The following RASGRF2 variants were observed in gnomAD, a reference collection of about 807,000 sequenced individuals.
RASGRF2 encodes Ras protein specific guanine nucleotide releasing factor 2, also known as ras-specific guanine nucleotide-releasing factor 2.
In RASGRF2, 76 loss-of-function variants were observed where a neutral mutation model predicts 151.0. That is an observed-to-expected ratio of 0.50 (90% CI 0.42 to 0.61). The LOEUF (loss-of-function observed/expected upper bound fraction) is 0.61, where lower values mean the gene tolerates loss of function less well. Ranked by LOEUF, RASGRF2 falls within the 20% of genes least tolerant of loss-of-function variation. RASGRF2 has a pLI of 0.00. For missense variants in RASGRF2, 1,148 were observed against 1,564.6 expected (o/e 0.73, Z 4.49); for synonymous variants, 504 against 566.5 (o/e 0.89, Z 1.57).
Position 81,086,934 on chromosome 5 carries a change from C to A in RASGRF2, c.1371C>A (p.Ser457Arg), listed in dbSNP as rs977176323. The A allele has an allele frequency of 6.2e-7, 1 of 1,613,788 alleles. No homozygotes were observed. The highest frequency in any genetic ancestry group is 8.5e-7 in the Non-Finnish European group (1 of 1,179,690). The change falls in exon 9 of 27, where the codon AGC becomes AGA. Residue 457 changes from serine to arginine, a missense_variant. Transcript: ENST00000265080. ...VEGCDILLDTSQTFIRQGSLI... is the reference protein window; with the variant it reads ...VEGCDILLDTRQTFIRQGSLI... Reference sequence around the variant, plus strand: ...GCTGTGACATCTTGCTGGACACCAGCCAAACGTTCATCCGCCAAGGTAAGT... The same window carrying A: ...GCTGTGACATCTTGCTGGACACCAGACAAACGTTCATCCGCCAAGGTAAGT...
intron 18 of RASGRF2, among the ~76,000 whole-genome samples, chr5:81,181,670 C>G (rs1485114284): frequency 6.6e-6 from 1 of 152,116 alleles, no homozygotes; most frequent in Non-Finnish European, 1.5e-5. Flanking sequence ...AGAATCTTGA[C>G]AGTTAATTCC....
intron 1 of RASGRF2, among the ~76,000 whole-genome samples, chr5:81,038,567 CTTTT>C (rs56205345): frequency 1.2e-5 from 1 of 83,900 alleles, no homozygotes; most frequent in African/African-American, 4.4e-5. Flanking sequence ...TAAATATTTG[CTTTT>C]TTTTTTTTTT....
At chr5:81,162,091 A>G (rs776675235) in intron 17 of RASGRF2, among the ~76,000 whole-genome samples, 11 of 152,024 alleles carry the variant, frequency 7.2e-5, no homozygotes, top group Non-Finnish European at 1.3e-4. Context: ...GATGGGCTCA[A>G]AAGTGCCTGA....
At chr5:81,195,211 A>G (rs762531466) in intron 18 of RASGRF2, among the ~76,000 whole-genome samples, 3 of 152,188 alleles carry the variant, frequency 2.0e-5, no homozygotes, top group South Asian at 2.1e-4. Flanking sequence ...GCCAGAGCCA[A>G]TGCTGACCCG....
chr5:81,151,276 G>A (rs554740406), intron 17 of RASGRF2, among the ~76,000 whole-genome samples: 1 of 152,194 alleles, frequency 6.6e-6, no homozygotes, highest in East Asian at 1.9e-4. Context: ...ATTTTAAAAA[G>A]GTCTTGAGGC....
intron 17 of RASGRF2, among the ~76,000 whole-genome samples, chr5:81,178,893 C>T (rs981313443): frequency 2.0e-5 from 3 of 152,172 alleles, no homozygotes; most frequent in Non-Finnish European, 4.4e-5. Context: ...CGCCCGCCAC[C>T]ACGCCTGGCT....
At chr5:81,216,440 T>A (rs1580413917) in intron 24 of RASGRF2, among the ~76,000 whole-genome samples, 2 of 151,982 alleles carry the variant, frequency 1.3e-5, no homozygotes, top group Admixed American at 1.3e-4. Flanking sequence ...CAACTGGTAT[T>A]CTCATGATCT....
chr5:80,987,401 G>A (rs1184592845), intron 1 of RASGRF2, among the ~76,000 whole-genome samples: 1 of 152,158 alleles, frequency 6.6e-6, no homozygotes, highest in Non-Finnish European at 1.5e-5. Flanking sequence ...AAACACATTG[G>A]TTGAATGTAG....
intron 1 of RASGRF2, among the ~76,000 whole-genome samples, chr5:81,001,205 C>T (rs1193447941): frequency 6.6e-6 from 1 of 152,200 alleles, no homozygotes; most frequent in Non-Finnish European, 1.5e-5. Flanking sequence ...CTTCCAGCAG[C>T]AGTCTTTTTT....
chr5:80,971,388 C>T (rs925190876), intron 1 of RASGRF2, among the ~76,000 whole-genome samples: 2 of 152,126 alleles, frequency 1.3e-5, no homozygotes, highest in African/African-American at 2.4e-5. Flanking sequence ...GATTCATCCA[C>T]GTTGTTGTTT....
At chr5:81,096,308 A>C (rs1752547231) in intron 12 of RASGRF2, 1 of 152,202 alleles carries the variant, frequency 6.6e-6, no homozygotes, top group Non-Finnish European at 1.5e-5. Context: ...TAGCATATTA[A>C]GTCTCTCCCT....
Position 81,112,831 on chromosome 5 carries a change from A to G in RASGRF2, c.2060A>G (p.Lys687Arg). 2 of 1,614,220 alleles carry G rather than the reference A, an allele frequency of 1.2e-6. No individual in the cohort carries two copies. The highest frequency in any genetic ancestry group is 1.7e-6 in the Non-Finnish European group (2 of 1,180,036). The change falls in exon 14 of 27, where the codon AAG becomes AGG. Residue 687 changes from lysine to arginine, a missense_variant. Coordinates refer to ENST00000265080, the MANE Select transcript of RASGRF2 (RefSeq NM_006909.3). ...VVLGKLSDIYKRPFTSIPVRS... is the reference protein window; with the variant it reads ...VVLGKLSDIYRRPFTSIPVRS... ...CTGGGGAAACTCTCCGACATATACA[A>G]GAGGCCTTTCACCTCCATCCCTGTC...
rs1345154008 is a variant in RASGRF2 at position 81,180,298 on chromosome 5, A to C, written c.2793+17A>C. On this transcript the variant is annotated intron_variant, in intron 18 of 26. Coordinates refer to ENST00000265080, the MANE Select transcript of RASGRF2 (RefSeq NM_006909.3). Reference sequence around the variant, plus strand: ...CACGCACAGGTAAGTCAGTGCCCTCATTAATTACTTGCAAGGATTTTTTAA... The same window carrying C: ...CACGCACAGGTAAGTCAGTGCCCTCCTTAATTACTTGCAAGGATTTTTTAA... The C allele has an allele frequency of 6.9e-7, 1 of 1,442,738 alleles. No individual in the cohort carries two copies. Among genetic ancestry groups the C allele is most frequent in the Non-Finnish European group, 9.8e-7 (1 of 1,024,190 alleles). 89.4% of individuals were successfully genotyped at this position (1,442,738 alleles called of 1,614,324 possible).
At chr5:81,152,514 C>T (rs761074447) in intron 17 of RASGRF2, among the ~76,000 whole-genome samples, 1 of 151,750 alleles carries the variant, frequency 6.6e-6, no homozygotes, top group African/African-American at 2.4e-5. Flanking sequence ...CATATTACTC[C>T]CTTCCTACCA....
chr5:81,166,824 G>A lies in RASGRF2; in HGVS notation c.2687-13351G>A, dbSNP rs533047463. On this transcript the variant is annotated intron_variant, in intron 17 of 26. Coordinates refer to ENST00000265080, the MANE Select transcript of RASGRF2 (RefSeq NM_006909.3). ...AAAGGACACTGAGAACCCGAGATGAGGGGATTTTTCTAAGGCCGTTCATTG... is the reference window on the plus strand; with the variant it reads ...AAAGGACACTGAGAACCCGAGATGAAGGGATTTTTCTAAGGCCGTTCATTG... Among the ~76,000 whole-genome samples, 12 of 152,238 alleles carry A rather than the reference G, an allele frequency of 7.9e-5. No homozygotes were observed. The East Asian group carries it at 2.1e-3, about 27-fold the overall frequency.
intron 1 of RASGRF2, among the ~76,000 whole-genome samples, chr5:81,007,891 C>T (rs1344838464): frequency 1.3e-5 from 2 of 152,016 alleles, no homozygotes; most frequent in Admixed American, 6.6e-5. Flanking sequence ...AAGAGAGAGA[C>T]GTGAACAGGA....
intron 26 of RASGRF2, among the ~76,000 whole-genome samples, chr5:81,220,232 G>T (rs550863839): frequency 6.6e-6 from 1 of 152,050 alleles, no homozygotes; most frequent in Non-Finnish European, 1.5e-5. Flanking sequence ...GTGAAGTCTC[G>T]CATTATATGG....
At chr5:81,078,821 A>G (rs1752009320) in intron 5 of RASGRF2, among the ~76,000 whole-genome samples, 1 of 152,210 alleles carries the variant, frequency 6.6e-6, no homozygotes, top group Non-Finnish European at 1.5e-5. Context: ...GAGGGAATTC[A>G]CTGCTTACAG....
At chr5:81,093,305 T>C (rs577788445) in intron 10 of RASGRF2, among the ~76,000 whole-genome samples, 2 of 152,368 alleles carry the variant, frequency 1.3e-5, no homozygotes, top group Admixed American at 1.3e-4. Flanking sequence ...ATCACTACAA[T>C]GTACCAATGC....
Sources: allele counts gnomAD v4.1 joint callset (sites outside exome capture counted in the v4.1 genomes callset), GRCh38; gene constraint gnomAD v4.1.1; transcripts MANE v1.5; gene names NCBI Gene and HGNC (gene_info 2026-07-23, HGNC 2026-07-21).